KCNT2: variants seen among roughly 807,000 people sequenced by gnomAD.
The protein encoded by KCNT2 is potassium channel subfamily T member 2.
KCNT2 carries 67 observed loss-of-function variants against 153.8 expected under a neutral mutation model. That is an observed-to-expected ratio of 0.44 (90% CI 0.36 to 0.53). The LOEUF (loss-of-function observed/expected upper bound fraction) is 0.53, where lower values mean the gene tolerates loss of function less well. Ranked by LOEUF, KCNT2 falls within the 20% of genes least tolerant of loss-of-function variation. The pLI, the probability that KCNT2 is intolerant of heterozygous loss-of-function variation, is 0.00. For missense variants in KCNT2, 975 were observed against 1,354.8 expected (o/e 0.72, Z 4.40); for synonymous variants, 500 against 458.8 (o/e 1.09, Z -1.15).
At chr1:196,536,423 T>C (rs773199456) in intron 1 of KCNT2, among the ~76,000 whole-genome samples, 3 of 152,232 alleles carry the variant, frequency 2.0e-5, no homozygotes, top group Non-Finnish European at 4.4e-5. Flanking sequence ...GTTCAGCCCA[T>C]TGAGCACACT....
chr1:196,282,744 T>C (rs1030445178), intron 23 of KCNT2, among the ~76,000 whole-genome samples: 1 of 152,260 alleles, frequency 6.6e-6, no homozygotes, highest in Non-Finnish European at 1.5e-5. Flanking sequence ...TTTTTTAGTA[T>C]TAAGCTCTAA....
At chr1:196,312,109 GCTTA>G (rs565886581) in intron 21 of KCNT2, among the ~76,000 whole-genome samples, 145 of 151,838 alleles carry the variant, frequency 9.5e-4, no homozygotes, top group Admixed American at 4.3e-3. Flanking sequence ...TACTGGGATG[GCTTA>G]CTTGAGTGTC....
intron 21 of KCNT2, among the ~76,000 whole-genome samples, chr1:196,308,521 A>C (rs1661852019): frequency 6.6e-6 from 1 of 151,976 alleles, no homozygotes; most frequent in African/African-American, 2.4e-5. Context: ...TAATATTTTT[A>C]TCTCTATCTG....
intron 1 of KCNT2, among the ~76,000 whole-genome samples, chr1:196,588,326 A>G (rs2148994338): frequency 6.6e-6 from 1 of 152,074 alleles, no homozygotes; most frequent in African/African-American, 2.4e-5. Flanking sequence ...CTAATGCCCC[A>G]GGTGCAGTAC....
chr1:196,322,712 A>G (rs1220698158), intron 19 of KCNT2, among the ~76,000 whole-genome samples: 3 of 152,038 alleles, frequency 2.0e-5, no homozygotes, highest in South Asian at 2.1e-4. Flanking sequence ...AACTAATAAC[A>G]ATTAAAAATT....
chr1:196,599,771 G>A (rs931578532), intron 1 of KCNT2, among the ~76,000 whole-genome samples: 9 of 152,110 alleles, frequency 5.9e-5, no homozygotes, highest in Non-Finnish European at 1.0e-4. Flanking sequence ...AGATAAATAC[G>A]TTCAATCTAA....
intron 8 of KCNT2, among the ~76,000 whole-genome samples, chr1:196,463,457 C>T (rs946353712): frequency 2.6e-5 from 4 of 151,598 alleles, no homozygotes; most frequent in African/African-American, 9.7e-5. Flanking sequence ...TATTATGATA[C>T]ATGTGATTAA....
intron 25 of KCNT2, among the ~76,000 whole-genome samples, chr1:196,276,506 C>T (rs144036328): frequency 6.9e-4 from 105 of 152,076 alleles, no homozygotes; most frequent in African/African-American, 2.5e-3. Context: ...TGCTCTAGGT[C>T]TCCCTTTATG....
intron 13 of KCNT2, 69 bp from the exon 14 acceptor site, chr1:196,373,317 AC>A (rs1668688464): frequency 1.3e-6 from 1 of 741,096 alleles, no homozygotes; most frequent in Non-Finnish European, 2.4e-6. Flanking sequence ...AAAAAATAAA[AC>A]AAAATGAATA....
chr1:196,438,273 A>G (rs1674906030), intron 8 of KCNT2, among the ~76,000 whole-genome samples: 1 of 151,864 alleles, frequency 6.6e-6, no homozygotes, highest in Non-Finnish European at 1.5e-5. Flanking sequence ...AAAAAATAAA[A>G]TATTACTGCT....
chr1:196,540,421 C>A (rs1656197904), intron 1 of KCNT2, among the ~76,000 whole-genome samples: 2 of 152,128 alleles, frequency 1.3e-5, no homozygotes, highest in African/African-American at 4.8e-5. Context: ...ATGTTCCAAT[C>A]CAATTCTCCT....
At chr1:196,308,054 G>A (rs1393788527) in intron 21 of KCNT2, among the ~76,000 whole-genome samples, 2 of 151,950 alleles carry the variant, frequency 1.3e-5, no homozygotes, top group Admixed American at 6.6e-5. Context: ...GAATCAATGA[G>A]CACAAAGCCC....
At chr1:196,413,234 G>A (rs987584299) in intron 12 of KCNT2, among the ~76,000 whole-genome samples, 1 of 151,508 alleles carries the variant, frequency 6.6e-6, no homozygotes, top group Non-Finnish European at 1.5e-5. Context: ...GCAGAGGTTT[G>A]GGATTTGGAC....
At chr1:196,269,586 A>G (rs759547188) in intron 25 of KCNT2, among the ~76,000 whole-genome samples, 2 of 152,170 alleles carry the variant, frequency 1.3e-5, no homozygotes, top group Non-Finnish European at 2.9e-5. Context: ...ATGGAGGCCA[A>G]GGAAGAAGTC....
At chr1:196,519,817 C>CA (rs1405051645) in intron 1 of KCNT2, among the ~76,000 whole-genome samples, 1 of 151,814 alleles carries the variant, frequency 6.6e-6, no homozygotes, top group African/African-American at 2.4e-5. Flanking sequence ...TACCAATACA[C>CA]AAAAAAAGCC....
At position 196,429,679 on chromosome 1, in the gene KCNT2, C is replaced by T. The variant is rs763356036; in HGVS notation, c.717G>A (p.Thr239=). 178 of 1,612,538 alleles carry T rather than the reference C, an allele frequency of 1.1e-4. No homozygotes were observed. The highest frequency in any genetic ancestry group is 3.7e-4 in the Admixed American group (22 of 59,884). Residue 239 remains threonine, a synonymous_variant, in exon 9 of 28, where the codon ACG becomes ACA. Transcript: ENST00000294725. ...LFDSLYFCIV[T]FSTVGFGDVT... ...CATCCCCGAAGCCCACAGTAGAAAA[C>T]GTCACAATGCAGAAATAAAGGGAGT...
chr1:196,596,809 C>T (rs949130971), intron 1 of KCNT2, among the ~76,000 whole-genome samples: 3 of 152,082 alleles, frequency 2.0e-5, no homozygotes, highest in Admixed American at 1.3e-4. Flanking sequence ...TGAAGCGATC[C>T]TCCTACCTCA....
chr1:196,410,757 T>G (rs1335046970), intron 12 of KCNT2, among the ~76,000 whole-genome samples: 1 of 151,382 alleles, frequency 6.6e-6, no homozygotes, highest in Non-Finnish European at 1.5e-5. Context: ...TGCTTGTACC[T>G]TGGTGTTATA....
chr1:196,351,601 T>C (rs1666704393), intron 14 of KCNT2, among the ~76,000 whole-genome samples: 1 of 152,042 alleles, frequency 6.6e-6, no homozygotes, highest in African/African-American at 2.4e-5. Flanking sequence ...AAGGAGATTT[T>C]GGGCTGAGAC....
Sources: allele counts gnomAD v4.1 joint callset (sites outside exome capture counted in the v4.1 genomes callset), GRCh38; gene constraint gnomAD v4.1.1; transcripts MANE v1.5; gene names NCBI Gene and HGNC (gene_info 2026-07-23, HGNC 2026-07-21).